The following CACNA2D3 variants were observed in gnomAD, a reference collection of about 807,000 sequenced individuals.
The protein encoded by CACNA2D3 is voltage-dependent calcium channel subunit alpha-2/delta-3.
A neutral mutation model predicts 160.6 loss-of-function variants in CACNA2D3; 60 were observed. That is an observed-to-expected ratio of 0.37 (90% CI 0.30 to 0.46). CACNA2D3 has a LOEUF of 0.46. Ranked by LOEUF, CACNA2D3 falls within the 20% of genes least tolerant of loss-of-function variation. CACNA2D3 has a pLI of 1.00. For missense variants in CACNA2D3, 1,205 were observed against 1,365.0 expected (o/e 0.88, Z 1.85); for synonymous variants, 558 against 492.9 (o/e 1.13, Z -1.75).
At chr3:54,401,483 T>C (rs900340835) in intron 4 of CACNA2D3, among the ~76,000 whole-genome samples, 1 of 152,196 alleles carries the variant, frequency 6.6e-6, no homozygotes. Context: ...GACAAAGAGA[T>C]AATTTTAAAA....
At chr3:54,308,647 T>C (rs1030017099) in intron 2 of CACNA2D3, among the ~76,000 whole-genome samples, 2 of 152,226 alleles carry the variant, frequency 1.3e-5, no homozygotes, top group African/African-American at 4.8e-5. Flanking sequence ...TAGTATCCCC[T>C]TAACTAATAA....
chr3:54,909,999 G>A (rs1700523723), intron 27 of CACNA2D3, among the ~76,000 whole-genome samples: 1 of 152,114 alleles, frequency 6.6e-6, no homozygotes, highest in South Asian at 2.1e-4. Context: ...GGTGGGAAAG[G>A]GACAGTGCTG....
intron 5 of CACNA2D3, among the ~76,000 whole-genome samples, chr3:54,558,515 C>A (rs915479278): frequency 2.0e-5 from 3 of 152,000 alleles, no homozygotes; most frequent in African/African-American, 7.3e-5. Context: ...ATTTTATCAC[C>A]CAGGTAATAA....
chr3:54,516,611 C>T (rs1701555342), intron 5 of CACNA2D3, among the ~76,000 whole-genome samples: 1 of 152,172 alleles, frequency 6.6e-6, no homozygotes, highest in South Asian at 2.1e-4. Context: ...ATTGAGGGTG[C>T]ATAACTTTCA....
chr3:54,712,136 A>T (rs988455034), intron 11 of CACNA2D3, among the ~76,000 whole-genome samples: 4 of 152,204 alleles, frequency 2.6e-5, no homozygotes, highest in African/African-American at 4.8e-5. Context: ...CAGTTTCTTC[A>T]TCTGTAAAAA....
chr3:54,590,080 G>A (rs1225308687), intron 9 of CACNA2D3, among the ~76,000 whole-genome samples: 1 of 152,082 alleles, frequency 6.6e-6, no homozygotes, highest in Non-Finnish European at 1.5e-5. Context: ...TTAAAATTAT[G>A]TTCACACAAA....
chr3:54,132,754 G>T (rs1278468853), intron 2 of CACNA2D3, among the ~76,000 whole-genome samples: 1 of 152,202 alleles, frequency 6.6e-6, no homozygotes, highest in Non-Finnish European at 1.5e-5. Context: ...AGGCAGAACT[G>T]TGTAGAGTTG....
chr3:54,240,138 G>A (rs960485735), intron 2 of CACNA2D3, among the ~76,000 whole-genome samples: 1 of 152,152 alleles, frequency 6.6e-6, no homozygotes, highest in Non-Finnish European at 1.5e-5. Context: ...GGCTCTCTAC[G>A]TAAGAGGGAG....
intron 5 of CACNA2D3, among the ~76,000 whole-genome samples, chr3:54,543,413 G>A (rs141091093): frequency 1.4e-3 from 209 of 152,152 alleles, no homozygotes; most frequent in African/African-American, 4.7e-3. Flanking sequence ...TTTTAACAGC[G>A]GATATTTTTG....
intron 36 of CACNA2D3, 102 bp downstream of exon 36, chr3:55,073,659 T>TCCTTTCCACTGTTGGAGAGAGAG: frequency 8.1e-7 from 1 of 1,235,264 alleles, no homozygotes; most frequent in Non-Finnish European, 1.2e-6. Context: ...GAAAATTACA[T>TCCTTTCCACTGTTGGAGAGAGAG]CCTTTCCACT....
intron 2 of CACNA2D3, among the ~76,000 whole-genome samples, chr3:54,167,206 A>T (rs769001578): frequency 2.0e-5 from 3 of 152,174 alleles, no homozygotes; most frequent in African/African-American, 7.2e-5. Context: ...CCACTAGGTC[A>T]TAAGCTCACC....
intron 5 of CACNA2D3, among the ~76,000 whole-genome samples, chr3:54,540,415 C>G (rs2106660958): frequency 6.6e-6 from 1 of 152,132 alleles, no homozygotes; most frequent in South Asian, 2.1e-4. Context: ...GTTATCTTCC[C>G]CAAGATACCA....
chr3:54,852,304 C>A (rs1246256778), intron 17 of CACNA2D3, among the ~76,000 whole-genome samples: 2 of 152,214 alleles, frequency 1.3e-5, no homozygotes, highest in African/African-American at 2.4e-5. Context: ...CCTACGCCAT[C>A]TAGACTTCCG....
rs892149891 is a variant in CACNA2D3, at chr3:55,033,902, A to G, written c.2987+15585A>G. ...ATTACATATTAAGTATATTTAATAT[A>G]TAATATAAAAATACATATATATTTA... On this transcript the variant is annotated intron_variant, in intron 35 of 37. Transcript: ENST00000474759. Among the ~76,000 whole-genome samples, 5 of 134,232 alleles carry G rather than the reference A, an allele frequency of 3.7e-5. 1 individual carries two copies. Among genetic ancestry groups the G allele is most frequent in the African/African-American group, 1.2e-4 (4 of 34,280 alleles). The allele number at this position is 134,232 out of a possible 152,430, so 88.1% of individuals were successfully genotyped here.
chr3:54,408,226 G>A (rs1699609007), intron 4 of CACNA2D3, among the ~76,000 whole-genome samples: 2 of 152,090 alleles, frequency 1.3e-5, no homozygotes, highest in Admixed American at 1.3e-4. Context: ...GGGAGTTCAG[G>A]GTACCTTGGA....
intron 5 of CACNA2D3, among the ~76,000 whole-genome samples, chr3:54,513,558 T>G (rs1701492918): frequency 6.6e-6 from 1 of 152,306 alleles, no homozygotes; most frequent in East Asian, 1.9e-4. Flanking sequence ...GCAATCAGCA[T>G]GCAAGCCTAA....
chr3:54,487,618 C>G (rs1052219724), intron 4 of CACNA2D3, among the ~76,000 whole-genome samples: 2 of 152,118 alleles, frequency 1.3e-5, no homozygotes, highest in Admixed American at 6.5e-5. Context: ...AAAAATATTT[C>G]TCTTCTTAGG....
At chr3:54,720,863 A>G (rs1701155790) in intron 11 of CACNA2D3, among the ~76,000 whole-genome samples, 1 of 152,176 alleles carries the variant, frequency 6.6e-6, no homozygotes, top group Non-Finnish European at 1.5e-5. Flanking sequence ...ACTTATAATT[A>G]CATTGTGCTT....
chr3:54,464,756 G>C (rs1488329644), intron 4 of CACNA2D3, among the ~76,000 whole-genome samples: 1 of 152,226 alleles, frequency 6.6e-6, no homozygotes, highest in Admixed American at 6.5e-5. Flanking sequence ...CCGTGCTTCG[G>C]CTAGCGCACG....
Sources: gnomAD v4.1 joint callset for allele counts (sites outside exome capture counted in the v4.1 genomes callset) on GRCh38, gnomAD v4.1.1 for gene constraint, MANE v1.5 for transcripts, NCBI Gene and HGNC (gene_info 2026-07-23, HGNC 2026-07-21) for gene names.